Variants in DENND1A observed in about 807,000 individuals in gnomAD.
DENND1A encodes the protein DENN domain containing 1A, also known as DENN domain-containing protein 1A.
DENND1A carries 51 observed loss-of-function variants against 113.7 expected under a neutral mutation model. The observed-to-expected ratio is 0.45, with a 90% CI of 0.36 to 0.57. The LOEUF (loss-of-function observed/expected upper bound fraction) is 0.57, where lower values mean the gene tolerates loss of function less well. DENND1A is among the 20% of genes least tolerant of loss of function. The probability of loss-of-function intolerance (pLI) is 0.00; values close to 1 mark genes in which losing one functional copy is unlikely to be tolerated. For missense variants in DENND1A, 1,258 were observed against 1,395.9 expected, an observed-to-expected ratio of 0.90 and a Z score of 1.57; for synonymous variants, 565 against 570.8, an observed-to-expected ratio of 0.99 and a Z score of 0.14.
chr9:123,753,357 A>T (rs904634526), intron 5 of DENND1A, among the ~76,000 whole-genome samples: 15 of 152,248 alleles, frequency 9.9e-5, no homozygotes, highest in African/African-American at 3.4e-4. Flanking sequence ...TAAGTAGGTT[A>T]TGTTGCACAA....
At chr9:123,792,755 G>T in intron 2 of DENND1A, 125 bp from the exon 3 acceptor site, 1 of 989,434 alleles carries the variant, frequency 1.0e-6, no homozygotes. Context: ...GGCAGCTGAG[G>T]CTGCTATGTT....
chr9:123,386,841 C>T lies in DENND1A; in HGVS notation c.1760+889G>A, dbSNP rs557546554. 2.6e-5 allele frequency among the ~76,000 whole-genome samples: 4 copies of T among 152,332 alleles called. No individual in the cohort carries two copies. The East Asian group carries it at 7.7e-4, about 29-fold the overall frequency. On this transcript the variant is annotated intron_variant, in intron 22 of 23. Transcript: ENST00000394215. ...TTTATAAGGTCCCCAGAGGAACCCA[C>T]AGGCCATCCCAGGGGGAGGGACCTG...
chr9:123,535,944 G>A (rs1201109038), intron 13 of DENND1A, among the ~76,000 whole-genome samples: 2 of 152,188 alleles, frequency 1.3e-5, no homozygotes, highest in African/African-American at 2.4e-5. Context: ...TGGGAAAACA[G>A]AAAAGGGGGA....
intron 3 of DENND1A, among the ~76,000 whole-genome samples, chr9:123,792,245 C>T (rs1833098920): frequency 6.6e-6 from 1 of 152,098 alleles, no homozygotes; most frequent in Non-Finnish European, 1.5e-5. Flanking sequence ...TGCTTCTTGA[C>T]TCCTGAAATA....
rs541180967 is a variant in DENND1A at position 123,827,448 on chromosome 9, G to A, written c.89-34818C>T. ...GAGGAACACCTGACCCTGGGAGGTC[G>A]AGGCTGGTGATGCAGTGAGCCATGA... On this transcript the variant is annotated intron_variant, in intron 2 of 23. Coordinates refer to ENST00000394215, the MANE Select transcript of DENND1A (RefSeq NM_001352964.2). Among the ~76,000 whole-genome samples the A allele has an allele frequency of 1.2e-4, 18 of 150,302 alleles. No homozygotes were observed. The South Asian group carries it at 1.9e-3, about 16-fold the overall frequency.
intron 18 of DENND1A, among the ~76,000 whole-genome samples, chr9:123,442,425 G>C (rs899586201): frequency 6.6e-6 from 1 of 152,168 alleles, no homozygotes; most frequent in Non-Finnish European, 1.5e-5. Context: ...GGAAAAAGAT[G>C]GGGAGGGGTT....
intron 1 of DENND1A, among the ~76,000 whole-genome samples, chr9:123,912,825 C>T (rs1402552680): frequency 1.3e-5 from 2 of 152,054 alleles, no homozygotes; most frequent in African/African-American, 4.8e-5. Context: ...TTATCACCTC[C>T]CAGTGATGAA....
At chr9:123,781,028 T>C (rs79565874) in intron 3 of DENND1A, among the ~76,000 whole-genome samples, 8,733 of 152,288 alleles carry the variant, frequency 0.057, 341 homozygotes, top group Non-Finnish European at 0.081. Context: ...AGGATGGAGA[T>C]TGAGAATCTT....
chr9:123,621,555 A>G (rs1426195687), intron 10 of DENND1A, among the ~76,000 whole-genome samples: 1 of 152,228 alleles, frequency 6.6e-6, no homozygotes, highest in African/African-American at 2.4e-5. Flanking sequence ...ATAGCTATGA[A>G]TAACACAAAG....
chr9:123,406,462 A>G (rs78816451), intron 20 of DENND1A, among the ~76,000 whole-genome samples: 1,988 of 152,314 alleles, frequency 0.013, 33 homozygotes, highest in Non-Finnish European at 0.015. Context: ...GTGTCTCTGA[A>G]TTAGAAGATG....
chr9:123,779,957 C>T (rs886377281), intron 3 of DENND1A, among the ~76,000 whole-genome samples: 8 of 151,100 alleles, frequency 5.3e-5, no homozygotes, highest in African/African-American at 2.0e-4. Flanking sequence ...AGGGTTCAAC[C>T]GATTTTCCTG....
chr9:123,702,292 G>A (rs1281480781), intron 5 of DENND1A, among the ~76,000 whole-genome samples: 1 of 152,092 alleles, frequency 6.6e-6, no homozygotes, highest in Non-Finnish European at 1.5e-5. Flanking sequence ...AACGAAGAAA[G>A]CTTATGAGAT....
At chr9:123,510,139 A>G (rs577983993) in intron 13 of DENND1A, among the ~76,000 whole-genome samples, 1 of 152,320 alleles carries the variant, frequency 6.6e-6, no homozygotes, top group African/African-American at 2.4e-5. Context: ...TCTCTGCTGT[A>G]GCCCAGGAAA....
chr9:123,583,388 C>T, intron 11 of DENND1A, 118 bp from the exon 12 acceptor site: 1 of 694,668 alleles, frequency 1.4e-6, no homozygotes, highest in Non-Finnish European at 2.5e-6. Flanking sequence ...CAAAGTCTTA[C>T]TCTGCAGCAG....
intron 13 of DENND1A, among the ~76,000 whole-genome samples, chr9:123,515,590 T>A (rs1210454842): frequency 6.6e-6 from 1 of 152,248 alleles, no homozygotes; most frequent in Non-Finnish European, 1.5e-5. Context: ...ACTGTACTAT[T>A]CTTTCAACTT....
At chr9:123,790,703 A>G (rs1832868912) in intron 3 of DENND1A, among the ~76,000 whole-genome samples, 1 of 152,224 alleles carries the variant, frequency 6.6e-6, no homozygotes, top group South Asian at 2.1e-4. Context: ...GATAATATCT[A>G]ATCAGTCAAC....
chr9:123,625,564 C>T (rs539217054), intron 10 of DENND1A, among the ~76,000 whole-genome samples: 29 of 152,150 alleles, frequency 1.9e-4, no homozygotes, highest in South Asian at 1.2e-3. Flanking sequence ...GCCAACATGG[C>T]GAAACCCTGT....
intron 21 of DENND1A, chr9:123,402,535 G>A (rs1361455192): frequency 7.5e-6 from 4 of 534,670 alleles, no homozygotes; most frequent in Non-Finnish European, 1.2e-5. Flanking sequence ...TCCACCCAAA[G>A]GACTTCAGGA....
chr9:123,889,648 GA>G (rs978413172), intron 1 of DENND1A, among the ~76,000 whole-genome samples: 1 of 151,850 alleles, frequency 6.6e-6, no homozygotes, highest in Non-Finnish European at 1.5e-5. Context: ...CTCTACAGAG[GA>G]AAAAAAATAC....
Sources: gnomAD v4.1 joint callset for allele counts (sites outside exome capture counted in the v4.1 genomes callset) on GRCh38, gnomAD v4.1.1 for gene constraint, MANE v1.5 for transcripts, NCBI Gene and HGNC (gene_info 2026-07-23, HGNC 2026-07-21) for gene names.